PTPRG: variants seen among roughly 807,000 people sequenced by gnomAD.
The protein encoded by PTPRG is protein tyrosine phosphatase receptor type G, also known as receptor-type tyrosine-protein phosphatase gamma.
Under a neutral mutation model 165.3 loss-of-function variants are expected in PTPRG, and 102 were observed. The ratio of observed to expected loss-of-function variants is 0.62; its 90% CI spans 0.53 to 0.73. The LOEUF (loss-of-function observed/expected upper bound fraction) is 0.73. PTPRG is among the 30% of genes least tolerant of loss of function. The pLI, the probability that PTPRG is intolerant of heterozygous loss-of-function variation, is 0.00. For synonymous variants in PTPRG, 675 were observed against 669.5 expected (o/e 1.01, Z -0.13); for missense variants, 1,866 against 1,861.4 (o/e 1.00, Z -0.05).
At chr3:61,832,586 C>T (rs1156490880) in intron 2 of PTPRG, among the ~76,000 whole-genome samples, 1 of 152,172 alleles carries the variant, frequency 6.6e-6, no homozygotes, top group East Asian at 1.9e-4. Context: ...ACCCTCTTCC[C>T]CCAGTGGATC....
rs932698264 is a variant in PTPRG, at chr3:62,229,849, C to A, written c.2289-1376C>A. 3.3e-5 allele frequency among the ~76,000 whole-genome samples: 5 copies of A among 152,184 alleles called. No individual in the cohort carries two copies. The highest frequency in any genetic ancestry group is 7.3e-5 in the Non-Finnish European group (5 of 68,036). On this transcript the variant is annotated intron_variant, in intron 13 of 29. Coordinates refer to ENST00000474889, the MANE Select transcript of PTPRG (RefSeq NM_002841.4). This position sits in a 1 kb window ranked among gnomAD's most constrained non-coding sequence, Gnocchi z 4.6. ...TGTGATTGTGTGTGAGGAAAAACTG[C>A]GGAGATAGCCGGCTCTGCTCCAAAA...
intron 1 of PTPRG, among the ~76,000 whole-genome samples, chr3:61,712,725 C>T (rs2031626423): frequency 6.6e-6 from 1 of 152,180 alleles, no homozygotes; most frequent in African/African-American, 2.4e-5. Context: ...TACCCAGTCT[C>T]AGGTGATATC....
intron 4 of PTPRG, among the ~76,000 whole-genome samples, chr3:62,056,274 G>A (rs905361370): frequency 3.9e-5 from 6 of 152,176 alleles, no homozygotes; most frequent in Non-Finnish European, 8.8e-5. Flanking sequence ...TATGTGCTTC[G>A]TTCTGTACAA....
intron 2 of PTPRG, among the ~76,000 whole-genome samples, chr3:61,974,121 T>A (rs1357047811): frequency 6.6e-6 from 1 of 152,218 alleles, no homozygotes; most frequent in African/African-American, 2.4e-5. Flanking sequence ...CTGTCTTTTT[T>A]AGAGTGTGTT....
intron 2 of PTPRG, among the ~76,000 whole-genome samples, chr3:61,933,758 A>C (rs1575799657): frequency 1.3e-5 from 2 of 152,192 alleles, no homozygotes; most frequent in Non-Finnish European, 2.9e-5. Flanking sequence ...GTATCTCACC[A>C]GTAGCCATAG....
At chr3:61,751,336 T>TA (rs1439476942) in intron 2 of PTPRG, among the ~76,000 whole-genome samples, 1 of 152,164 alleles carries the variant, frequency 6.6e-6, no homozygotes, top group East Asian at 1.9e-4. Flanking sequence ...GTCCTCTGGA[T>TA]ATAAATGCTT....
chr3:61,868,476 C>T (rs1461247744), intron 2 of PTPRG, among the ~76,000 whole-genome samples: 1 of 152,200 alleles, frequency 6.6e-6, no homozygotes, highest in African/African-American at 2.4e-5. Context: ...CTGCGTCCAA[C>T]CTGCCTTGAG....
chr3:61,880,446 C>A (rs1559665668), intron 2 of PTPRG, among the ~76,000 whole-genome samples: 1 of 151,896 alleles, frequency 6.6e-6, no homozygotes, highest in Non-Finnish European at 1.5e-5. Context: ...AGGGTGAAAC[C>A]CCATCTCTAC....
chr3:61,607,892 G>C (rs943412954), intron 1 of PTPRG, among the ~76,000 whole-genome samples: 71 of 152,166 alleles, frequency 4.7e-4, no homozygotes, highest in African/African-American at 1.7e-3. Flanking sequence ...CAGGCCTGGC[G>C]GGGTTGGGCT....
chr3:61,940,857 G>C (rs532946212), intron 2 of PTPRG, among the ~76,000 whole-genome samples: 7 of 152,000 alleles, frequency 4.6e-5, no homozygotes, highest in Non-Finnish European at 1.0e-4. Flanking sequence ...GTAGAGATGG[G>C]GTTTCACCGT....
chr3:62,183,930 A>G (rs2106783463), intron 8 of PTPRG, among the ~76,000 whole-genome samples: 1 of 152,322 alleles, frequency 6.6e-6, no homozygotes, highest in Non-Finnish European at 1.5e-5. Flanking sequence ...AGCATCTTGA[A>G]GATAGGAAAA....
intron 1 of PTPRG, among the ~76,000 whole-genome samples, chr3:61,645,599 G>A (rs1702178127): frequency 6.6e-6 from 1 of 152,196 alleles, no homozygotes; most frequent in African/African-American, 2.4e-5. Flanking sequence ...TGCCTTAACG[G>A]GGCTAGTTCC....
At chr3:62,287,034 A>G (rs1282365363) in intron 28 of PTPRG, among the ~76,000 whole-genome samples, 1 of 152,128 alleles carries the variant, frequency 6.6e-6, no homozygotes. Context: ...TTTACTGCTT[A>G]TTTAACCGTG....
At chr3:62,094,584 C>T (rs1276465708) in intron 5 of PTPRG, among the ~76,000 whole-genome samples, 2 of 152,186 alleles carry the variant, frequency 1.3e-5, no homozygotes, top group Non-Finnish European at 2.9e-5. Flanking sequence ...TGCAGCTCCC[C>T]TGGTCCCATT....
intron 1 of PTPRG, among the ~76,000 whole-genome samples, chr3:61,602,686 C>G (rs1225211282): frequency 6.6e-6 from 1 of 152,144 alleles, no homozygotes; most frequent in Non-Finnish European, 1.5e-5. Flanking sequence ...TTTTGCAGCC[C>G]ATGCTTGCAG....
chr3:61,562,177 A>C lies in PTPRG; in HGVS notation c.-111A>C. ...GCCGCCGAGCGCGGGGGGCCCGTGG[A>C]GCGGGCGAGCCGGGGAAGCGCCCCG... is the stretch of plus-strand genomic sequence containing the variant. On this transcript the variant is annotated 5_prime_UTR_variant, in exon 1 of 30. Coordinates refer to ENST00000474889, the MANE Select transcript of PTPRG (RefSeq NM_002841.4). 2 of 809,648 alleles carry C rather than the reference A, an allele frequency of 2.5e-6. No individual in the cohort carries two copies. Among genetic ancestry groups the C allele is most frequent in the Admixed American group, 2.1e-5 (1 of 48,288 alleles). The allele number at this position is 809,648 out of a possible 1,614,324, so 50.2% of individuals were successfully genotyped here.
At chr3:61,591,841 A>T (rs1002351161) in intron 1 of PTPRG, among the ~76,000 whole-genome samples, 2 of 152,206 alleles carry the variant, frequency 1.3e-5, no homozygotes, top group South Asian at 2.1e-4. Context: ...GTTTCTAGGC[A>T]TAACTAGCTA....
intron 2 of PTPRG, among the ~76,000 whole-genome samples, chr3:61,981,666 T>C (rs2040646720): frequency 6.6e-6 from 1 of 152,196 alleles, no homozygotes; most frequent in Non-Finnish European, 1.5e-5. Flanking sequence ...GGAGGTCAGC[T>C]GGACTATCAA....
intron 8 of PTPRG, among the ~76,000 whole-genome samples, chr3:62,182,716 G>A (rs1437483984): frequency 1.3e-5 from 2 of 152,246 alleles, no homozygotes; most frequent in African/African-American, 4.8e-5. Context: ...CTGGAGTGCA[G>A]TGGTGCGATC....
Sources: gnomAD v4.1 joint callset for allele counts (sites outside exome capture counted in the v4.1 genomes callset) on GRCh38, gnomAD v4.1.1 for gene constraint, Gnocchi (gnomAD v3.1) non-coding constraint, MANE v1.5 for transcripts, NCBI Gene and HGNC (gene_info 2026-07-23, HGNC 2026-07-21) for gene names.